The following MAP3K7CL variants were observed in gnomAD, a reference collection of about 807,000 sequenced individuals.
The protein encoded by MAP3K7CL is MAP3K7 C-terminal-like protein.
MAP3K7CL carries 16 observed loss-of-function variants against 18.6 expected under a neutral mutation model. The observed-to-expected ratio is 0.86, with a 90% CI of 0.58 to 1.31. MAP3K7CL has a LOEUF of 1.31. Among genes scored for constraint, MAP3K7CL ranks in the 50% most tolerant of loss-of-function variants. The probability of loss-of-function intolerance (pLI) is 0.00; values close to 1 mark genes in which losing one functional copy is unlikely to be tolerated. For missense variants in MAP3K7CL, 163 were observed against 174.4 expected, an observed-to-expected ratio of 0.93 and a Z score of 0.37; for synonymous variants, 65 against 66.8, an observed-to-expected ratio of 0.97 and a Z score of 0.13.
At chr21:29,174,632 C>G in intron 4 of MAP3K7CL, 80 bp from the exon 5 acceptor site, 1 of 1,483,398 alleles carries the variant, frequency 6.7e-7, no homozygotes, top group South Asian at 1.3e-5. Context: ...CATTCTACTT[C>G]CATCATGCTA....
rs2086761952 is a variant in MAP3K7CL, at chr21:29,130,682, G to A, written c.-281G>A. 5 of 985,560 alleles carry A rather than the reference G, an allele frequency of 5.1e-6. No homozygotes were observed. The highest frequency in any genetic ancestry group is 6.0e-6 in the Non-Finnish European group (5 of 830,014). The allele number at this position is 985,560 out of a possible 1,614,324, so 61.1% of individuals were successfully genotyped here. A position where few individuals can be genotyped will look rare whatever the true frequency, so the allele number is the denominator to read the frequency against. ...CTGTTAGAGAGGCAAGGAAAGGAGA[G>A]AGGGGTTGTGAAGGGAAGCGGAAGG... On this transcript the variant is annotated 5_prime_UTR_variant, in exon 1 of 5. Coordinates refer to ENST00000399928, the MANE Select transcript of MAP3K7CL (RefSeq NM_001286620.2).
intron 4 of MAP3K7CL, among the ~76,000 whole-genome samples, chr21:29,174,350 T>A (rs896038751): frequency 6.6e-6 from 1 of 152,214 alleles, no homozygotes; most frequent in African/African-American, 2.4e-5. Flanking sequence ...AAACTATAGT[T>A]GTCCTCTCTA....
intron 1 of MAP3K7CL, among the ~76,000 whole-genome samples, chr21:29,089,860 G>A (rs926105733): frequency 1.5e-5 from 2 of 137,866 alleles, no homozygotes; most frequent in Admixed American, 6.8e-5. Flanking sequence ...ATGAGAGGGA[G>A]GGAGGAAGGG....
chr21:29,091,274 A>G (rs1036726659), intron 1 of MAP3K7CL, among the ~76,000 whole-genome samples: 1 of 152,176 alleles, frequency 6.6e-6, no homozygotes, highest in Non-Finnish European at 1.5e-5. Flanking sequence ...TTATCCACCA[A>G]TTTGAATCAT....
chr21:29,146,721 A>T (rs984115924), intron 2 of MAP3K7CL, among the ~76,000 whole-genome samples: 1 of 152,042 alleles, frequency 6.6e-6, no homozygotes, highest in African/African-American at 2.4e-5. Flanking sequence ...TACAAAACAG[A>T]TTCAAATTTG....
chr21:29,092,369 TG>T, intron 3 of MAP3K7CL: 1 of 1,565,566 alleles, frequency 6.4e-7, no homozygotes, highest in Non-Finnish European at 8.8e-7. Context: ...AAAAAAGAAC[TG>T]ACATCAAAAG....
chr21:29,167,852 A>G (rs995559802), intron 4 of MAP3K7CL, among the ~76,000 whole-genome samples: 1 of 151,946 alleles, frequency 6.6e-6, no homozygotes, highest in African/African-American at 2.4e-5. Context: ...GGCGCCCGCC[A>G]CCATACCCAG....
chr21:29,089,748 C>G (rs558580589), intron 1 of MAP3K7CL, among the ~76,000 whole-genome samples: 32 of 151,006 alleles, frequency 2.1e-4, no homozygotes, highest in Non-Finnish European at 3.8e-4. Context: ...ATAGGATTTC[C>G]AAACAAGATG....
upstream of MAP3K7CL, among the ~76,000 whole-genome samples, chr21:29,129,618 A>G (rs909330284): frequency 2.0e-5 from 3 of 152,266 alleles, no homozygotes; most frequent in Non-Finnish European, 4.4e-5. Context: ...GCAATTATGC[A>G]TAAACCTGCT....
chr21:29,159,608 C>T (rs927226582), intron 3 of MAP3K7CL, among the ~76,000 whole-genome samples: 5 of 152,064 alleles, frequency 3.3e-5, no homozygotes, highest in Non-Finnish European at 5.9e-5. Flanking sequence ...CTAAGATTTC[C>T]GGGGAGTACG....
intron 3 of MAP3K7CL, among the ~76,000 whole-genome samples, chr21:29,154,512 T>A (rs187768078): frequency 4.1e-4 from 63 of 152,292 alleles, no homozygotes; most frequent in African/African-American, 1.4e-3. Context: ...CAGAGTCTGA[T>A]AAGTCCAGAA....
At chr21:29,110,327 T>G (rs796877672) in intron 4 of MAP3K7CL, among the ~76,000 whole-genome samples, 32 of 152,300 alleles carry the variant, frequency 2.1e-4, no homozygotes, top group African/African-American at 7.7e-4. Flanking sequence ...TTTCTGGAAT[T>G]TCTATATTCA....
chr21:29,170,092 C>A (rs975023025), intron 4 of MAP3K7CL, among the ~76,000 whole-genome samples: 37 of 152,232 alleles, frequency 2.4e-4, no homozygotes, highest in African/African-American at 8.4e-4. Context: ...TTCTTCAGAT[C>A]ATCTATTTAT....
Position 29,087,589 on chromosome 21 carries a change from C to CTT in MAP3K7CL, c.57+1693_57+1694dup, listed in dbSNP as rs56775764. Among the ~76,000 whole-genome samples the CTT allele has an allele frequency of 3.9e-3, 411 of 104,242 alleles. 2 individuals are homozygous for CTT. The highest frequency in any genetic ancestry group is 5.0e-3 in the Non-Finnish European group (273 of 54,098). The allele number at this position is 104,242 out of a possible 152,430, so 68.4% of individuals were successfully genotyped here. A position where few individuals can be genotyped will look rare whatever the true frequency, so the allele number is the denominator to read the frequency against. ...TAAATCTAATGCTCATTTTCTTTTTCTTTTTTTTTTTTTTTTTTTTTTGAG... is the reference window on the plus strand; with the variant it reads ...TAAATCTAATGCTCATTTTCTTTTTCTTTTTTTTTTTTTTTTTTTTTTTTGAG... On this transcript the variant is annotated intron_variant, in intron 1 of 6. Coordinates refer to the MAP3K7CL transcript ENST00000286791.
chr21:29,109,176 G>C, intron 4 of MAP3K7CL: 2 of 1,535,360 alleles, frequency 1.3e-6, no homozygotes, highest in Non-Finnish European at 1.7e-6. Context: ...CACCAGTGCG[G>C]ACTGCAGGTA....
At chr21:29,124,353 C>CAAAAAAAAAAA (rs59499297) in intron 4 of MAP3K7CL, among the ~76,000 whole-genome samples, 1 of 78,608 alleles carries the variant, frequency 1.3e-5, no homozygotes, top group Non-Finnish European at 2.4e-5. Context: ...GACTCCGTCT[C>CAAAAAAAAAAA]AAAAAAAAAA....
intron 4 of MAP3K7CL, among the ~76,000 whole-genome samples, chr21:29,120,758 C>T (rs1028469959): frequency 1.4e-5 from 2 of 147,352 alleles, no homozygotes; most frequent in Non-Finnish European, 3.0e-5. Flanking sequence ...TCCTTCCTTC[C>T]TTTTCTTTCA....
At chr21:29,167,877 T>G (rs1349745156) in intron 4 of MAP3K7CL, among the ~76,000 whole-genome samples, 1 of 151,980 alleles carries the variant, frequency 6.6e-6, no homozygotes, top group East Asian at 1.9e-4. Context: ...TTTTTTGTAT[T>G]TTTAGTAGAG....
intron 4 of MAP3K7CL, among the ~76,000 whole-genome samples, chr21:29,099,639 G>A (rs2086186365): frequency 6.6e-6 from 1 of 152,148 alleles, no homozygotes; most frequent in African/African-American, 2.4e-5. Context: ...GCAAAAGTAT[G>A]TTGTATTCCT....
Sources: allele counts gnomAD v4.1 joint callset (sites outside exome capture counted in the v4.1 genomes callset), GRCh38; gene constraint gnomAD v4.1.1; transcripts MANE v1.5; gene names NCBI Gene and HGNC (gene_info 2026-07-23, HGNC 2026-07-21).